Variants in SOBP observed in about 807,000 individuals in gnomAD.
The protein encoded by SOBP is sine oculis binding protein homolog.
In SOBP, 4 loss-of-function variants were observed where a neutral mutation model predicts 53.6. The observed-to-expected ratio is 0.07, with a 90% CI of 0.04 to 0.17. The LOEUF is 0.17. SOBP is among the 10% of genes least tolerant of loss of function. The pLI is 1.00. For synonymous variants in SOBP, 584 were observed against 522.6 expected (o/e 1.12, Z -1.60); for missense variants, 1,088 against 1,204.7 (o/e 0.90, Z 1.43).
In SOBP at chr6:107,600,394, G is replaced by C. The variant is rs1288213497; in HGVS notation, c.669+13219G>C. Among the ~76,000 whole-genome samples the C allele has an allele frequency of 2.0e-5, 3 of 152,282 alleles. No individual in the cohort carries two copies. The South Asian group carries it at 6.2e-4, about 32-fold the overall frequency. ...CCTGCAGCCTTGCTGCTAGGAGACT[G>C]GTTCTCACTTCATTCGAGTGGTAGC... On this transcript the variant is annotated intron_variant, in intron 5 of 6. Transcript: ENST00000317357.
Position 107,634,473 on chromosome 6 carries a change from C to T in SOBP, c.1629C>T (p.Ile543=), listed in dbSNP as rs1743247575. Reference sequence around the variant, plus strand: ...TGCCCATCCCCATCCCCATCCCTATCCCTCACGTCAGCGACTCCAAGCCCC... The same window carrying T: ...TGCCCATCCCCATCCCCATCCCTATTCCTCACGTCAGCGACTCCAAGCCCC... ...LPVPIPIPIP[I]PHVSDSKPPN... is the part of the protein sequence containing the mutation. Residue 543 remains isoleucine (I), a synonymous_variant, in exon 6 of 7, where the codon ATC becomes ATT. Coordinates refer to ENST00000317357, the MANE Select transcript of SOBP (RefSeq NM_018013.4). The surrounding 1 kb of genome is among the most constrained non-coding windows in gnomAD (Gnocchi z 4.5). 5 of 1,611,308 alleles carry T rather than the reference C, an allele frequency of 3.1e-6. No homozygotes were observed. Among genetic ancestry groups the T allele is most frequent in the Admixed American group, 1.7e-5 (1 of 60,010 alleles).
At chr6:107,583,693 T>C (rs1785478109) in intron 4 of SOBP, among the ~76,000 whole-genome samples, 1 of 151,918 alleles carries the variant, frequency 6.6e-6, no homozygotes, top group African/African-American at 2.4e-5. Flanking sequence ...ACCTGGCTAG[T>C]TTTTGTTTTG....
At position 107,660,260 on chromosome 6, in the gene SOBP, A is replaced by G. The variant is rs1772242866; in HGVS notation, c.*2057A>G. On this transcript the variant is annotated 3_prime_UTR_variant, in exon 7 of 7. Coordinates refer to ENST00000317357, the MANE Select transcript of SOBP (RefSeq NM_018013.4). The stretch of plus-strand genomic sequence containing the variant: ...CCCCCTGGGAAACATTTTAAAAAAT[A>G]GAACTAAGGAGTTTTAAAAGATGGT... 6.6e-6 allele frequency: 1 copy of G among 152,386 alleles called. No homozygotes were observed. The highest frequency in any genetic ancestry group is 1.5e-5 in the Non-Finnish European group (1 of 68,048). The allele number at this position is 152,386 out of a possible 1,614,324, so 9.4% of individuals were successfully genotyped here.
rs564759234 is a variant in SOBP at position 107,509,120 on chromosome 6, C to A, written c.421+2693C>A. Among the ~76,000 whole-genome samples the A allele has an allele frequency of 5.3e-5, 8 of 152,272 alleles. No individual in the cohort carries two copies. The East Asian group carries it at 1.5e-3, about 29-fold the overall frequency. On this transcript the variant is annotated intron_variant, in intron 3 of 6. Coordinates refer to ENST00000317357, the MANE Select transcript of SOBP (RefSeq NM_018013.4). ...ATAAGAAAATGTATGTAAGGCCGGG[C>A]GCAGTGGCTCATGCCTGTAATCCCA...
chr6:107,570,056 A>G (rs928604575), intron 4 of SOBP, among the ~76,000 whole-genome samples: 2 of 152,228 alleles, frequency 1.3e-5, no homozygotes, highest in African/African-American at 4.8e-5. Flanking sequence ...GTTAGCACTT[A>G]TGCTAATGAG....
intron 5 of SOBP, among the ~76,000 whole-genome samples, chr6:107,614,683 C>T (rs1382322235): frequency 2.0e-5 from 3 of 152,192 alleles, no homozygotes; most frequent in Admixed American, 6.5e-5. Flanking sequence ...AGCAGGGCTG[C>T]CTGCATGGAC....
At chr6:107,611,073 C>T (rs965655209) in intron 5 of SOBP, among the ~76,000 whole-genome samples, 89 of 152,356 alleles carry the variant, frequency 5.8e-4, no homozygotes, top group African/African-American at 2.1e-3. Flanking sequence ...TCCACCCTCC[C>T]CAGCCAACCC....
At chr6:107,575,811 T>C (rs1195541964) in intron 4 of SOBP, among the ~76,000 whole-genome samples, 1 of 152,196 alleles carries the variant, frequency 6.6e-6, no homozygotes, top group Non-Finnish European at 1.5e-5. Flanking sequence ...TTCAACTTGA[T>C]ACTCAGCTGT....
At chr6:107,500,378 TA>T (rs752236655) in intron 1 of SOBP, among the ~76,000 whole-genome samples, 458 of 112,142 alleles carry the variant, frequency 4.1e-3, no homozygotes, top group Admixed American at 5.7e-3. Flanking sequence ...AGACCCTGTC[TA>T]AAAAAAAAAA....
At chr6:107,595,928 A>G (rs1233859493) in intron 5 of SOBP, among the ~76,000 whole-genome samples, 1 of 152,150 alleles carries the variant, frequency 6.6e-6, no homozygotes, top group African/African-American at 2.4e-5. Flanking sequence ...AAAATAATGT[A>G]TTTCATTGCA....
chr6:107,593,206 C>G (rs1413376914), intron 5 of SOBP, among the ~76,000 whole-genome samples: 1 of 152,180 alleles, frequency 6.6e-6, no homozygotes, highest in Non-Finnish European at 1.5e-5. Flanking sequence ...TGCATGCAAA[C>G]TCTATTTTAC....
At chr6:107,626,511 C>T (rs1436184720) in intron 5 of SOBP, among the ~76,000 whole-genome samples, 1 of 152,236 alleles carries the variant, frequency 6.6e-6, no homozygotes, top group Non-Finnish European at 1.5e-5. Context: ...ACTTGTGCCT[C>T]CAGTTTCCTG....
chr6:107,616,087 GGGGGGGGC>G, intron 5 of SOBP, among the ~76,000 whole-genome samples: 1 of 128,242 alleles, frequency 7.8e-6, no homozygotes, highest in Non-Finnish European at 1.6e-5. Context: ...AGGGGGGTGG[GGGGGGGGC>G]GGGGGGGCGG....
At chr6:107,543,701 T>G (rs1206623168) in intron 4 of SOBP, among the ~76,000 whole-genome samples, 3 of 152,184 alleles carry the variant, frequency 2.0e-5, no homozygotes, top group Non-Finnish European at 4.4e-5. Flanking sequence ...GCTGAATTCT[T>G]TACACGATGG....
chr6:107,646,062 T>C (rs1771542949), intron 6 of SOBP, among the ~76,000 whole-genome samples: 1 of 152,210 alleles, frequency 6.6e-6, no homozygotes, highest in Admixed American at 6.5e-5. Flanking sequence ...ATGAAATCTG[T>C]GTTTGAGGAA....
intron 6 of SOBP, among the ~76,000 whole-genome samples, chr6:107,651,970 T>C (rs1247589306): frequency 6.6e-6 from 1 of 152,204 alleles, no homozygotes; most frequent in Non-Finnish European, 1.5e-5. Context: ...AAAAAATAAT[T>C]CTTTTAAAAC....
At chr6:107,537,995 C>T (rs996737741) in intron 4 of SOBP, among the ~76,000 whole-genome samples, 3 of 152,040 alleles carry the variant, frequency 2.0e-5, no homozygotes, top group Admixed American at 1.3e-4. Flanking sequence ...TTAAGATTTC[C>T]TAACAATCAT....
chr6:107,648,961 T>C lies in SOBP; in HGVS notation c.*4-9246T>C, dbSNP rs762133480. Among the ~76,000 whole-genome samples, 17 of 152,172 alleles carry C rather than the reference T, an allele frequency of 1.1e-4. No individual in the cohort carries two copies. The South Asian group carries it at 3.5e-3, about 32-fold the overall frequency. On this transcript the variant is annotated intron_variant, in intron 6 of 6. Coordinates refer to ENST00000317357, the MANE Select transcript of SOBP (RefSeq NM_018013.4). ...GCTCATGCCTGTAATCTCAGGACTT[T>C]GGAAGGCTGAGGTGGGAGGATCATG...
intron 4 of SOBP, among the ~76,000 whole-genome samples, chr6:107,572,684 C>T (rs1439383492): frequency 1.3e-5 from 2 of 152,068 alleles, no homozygotes; most frequent in Non-Finnish European, 2.9e-5. Context: ...CTTTTCTGCT[C>T]CTCTCTGTCT....
Sources: gnomAD v4.1 joint callset for allele counts (sites outside exome capture counted in the v4.1 genomes callset) on GRCh38, gnomAD v4.1.1 for gene constraint, Gnocchi (gnomAD v3.1) non-coding constraint, MANE v1.5 for transcripts, NCBI Gene and HGNC (gene_info 2026-07-23, HGNC 2026-07-21) for gene names.